The following CDC42BPA variants were observed in gnomAD, a reference collection of about 807,000 sequenced individuals.
CDC42BPA encodes the protein serine/threonine-protein kinase MRCK alpha.
CDC42BPA carries 80 observed loss-of-function variants against 223.5 expected under a neutral mutation model. The observed-to-expected ratio is 0.36, with a 90% CI of 0.30 to 0.43. CDC42BPA has a LOEUF of 0.43. Among genes scored for constraint, CDC42BPA ranks in the 20% least tolerant of loss-of-function variants. CDC42BPA has a pLI of 1.00. For missense variants in CDC42BPA, 1,743 were observed against 2,099.9 expected, an observed-to-expected ratio of 0.83 and a Z score of 3.32; for synonymous variants, 694 against 718.6, an observed-to-expected ratio of 0.97 and a Z score of 0.55.
chr1:227,272,634 C>T (rs903218660), intron 1 of CDC42BPA, among the ~76,000 whole-genome samples: 10 of 152,156 alleles, frequency 6.6e-5, no homozygotes, highest in Non-Finnish European at 1.2e-4. Flanking sequence ...GTTGCCCAGG[C>T]TGGTGTCAAA....
chr1:227,084,963 G>A (rs763419803), intron 16 of CDC42BPA, among the ~76,000 whole-genome samples: 59 of 152,132 alleles, frequency 3.9e-4, no homozygotes, highest in Non-Finnish European at 6.3e-4. Flanking sequence ...ATAGTAGGGG[G>A]GAACATCAGC....
rs10599884 is a variant in CDC42BPA, at chr1:227,273,995, C to CAAAAAAAAAAAAAAAAAAA, written c.179-19859_179-19841dup. Among the ~76,000 whole-genome samples the CAAAAAAAAAAAAAAAAAAA allele has an allele frequency of 1.8e-3, 101 of 57,004 alleles. 6 individuals carry two copies. The highest frequency in any genetic ancestry group is 6.3e-3 in the African/African-American group (99 of 15,672). The allele number at this position is 57,004 out of a possible 152,430, so 37.4% of individuals were successfully genotyped here. On this transcript the variant is annotated intron_variant, in intron 1 of 36. Transcript: ENST00000366766. ...ATAGTTTTCAAATATTCGTATACAC[C>CAAAAAAAAAAAAAAAAAAA]AAAAAAAAAAAAAAAAAAAAAAAAA...
At chr1:227,048,221 GT>G (rs1558372912) in intron 22 of CDC42BPA, among the ~76,000 whole-genome samples, 1 of 152,056 alleles carries the variant, frequency 6.6e-6, no homozygotes, top group East Asian at 1.9e-4. Flanking sequence ...TGAAATATTT[GT>G]TCAATTAGTA....
Position 227,317,776 on chromosome 1 carries a change from G to T in CDC42BPA, c.-594C>A, listed in dbSNP as rs1694638940. 2.5e-6 allele frequency: 1 copy of T among 398,530 alleles called. No individual in the cohort carries two copies. The highest frequency in any genetic ancestry group is 4.4e-6 in the Non-Finnish European group (1 of 226,130). The allele number at this position is 398,530 out of a possible 1,614,324, so 24.7% of individuals were successfully genotyped here. On this transcript the variant is annotated 5_prime_UTR_variant, in exon 1 of 37. Transcript: ENST00000366766. ...ATTTCTCCAGCGGGAAAGGGAGGGG[G>T]CGAGGTCCCTGAAGCAGCCCCTCGG... is the stretch of plus-strand genomic sequence containing the variant.
At chr1:227,179,472 T>G (rs573465275) in intron 5 of CDC42BPA, among the ~76,000 whole-genome samples, 1 of 151,254 alleles carries the variant, frequency 6.6e-6, no homozygotes, top group South Asian at 2.1e-4. Context: ...CCGTCTCTAC[T>G]AAAAATACAA....
chr1:226,994,831 C>T lies in CDC42BPA; in HGVS notation c.5125G>A (p.Asp1709Asn). The T allele has an allele frequency of 6.2e-7, 1 of 1,611,244 alleles. No homozygotes were observed. The highest frequency in any genetic ancestry group is 8.5e-7 in the Non-Finnish European group (1 of 1,178,412). Residue 1709 changes from aspartate (D) to asparagine (N), a missense_variant, in exon 36 of 37, where the codon GAC (aspartate) becomes AAC (asparagine). Coordinates refer to ENST00000366766, the MANE Select transcript of CDC42BPA (RefSeq NM_001394014.1). This position sits in a 1 kb window ranked among gnomAD's most constrained non-coding sequence, Gnocchi z 4.0. ...GAACCCTGCCCACTCACCTCTCCGT[C>T]AAAGTCCCTCGCTGGGGCATCACTT... Reference protein sequence around the residue: ...QGSDAPARDFDGEDSDSPRHS... With the variant: ...QGSDAPARDFNGEDSDSPRHS...
intron 15 of CDC42BPA, among the ~76,000 whole-genome samples, chr1:227,096,348 C>G (rs949352144): frequency 6.6e-6 from 1 of 152,174 alleles, no homozygotes; most frequent in Non-Finnish European, 1.5e-5. Flanking sequence ...ATTAAACAAG[C>G]TTAAGTCTCT....
intron 12 of CDC42BPA, 73 bp downstream of exon 12, chr1:227,119,731 A>G: frequency 1.9e-6 from 2 of 1,026,508 alleles, no homozygotes; most frequent in Non-Finnish European, 2.7e-6. Flanking sequence ...TTCATTATGA[A>G]TGCTTTCAGT....
At chr1:227,235,448 G>T (rs1486781005) in intron 2 of CDC42BPA, 1 of 152,158 alleles carries the variant, frequency 6.6e-6, no homozygotes, top group South Asian at 2.1e-4. Context: ...GTTGAATATA[G>T]CAAGTGGGGA....
chr1:227,006,855 T>C (rs1450953149), intron 34 of CDC42BPA, among the ~76,000 whole-genome samples: 6 of 152,006 alleles, frequency 3.9e-5, no homozygotes, highest in Non-Finnish European at 4.4e-5. Context: ...GAGAATCACT[T>C]GAATCTGGGA....
chr1:227,163,547 C>G (rs1030709878), intron 5 of CDC42BPA, among the ~76,000 whole-genome samples: 2 of 151,818 alleles, frequency 1.3e-5, no homozygotes, highest in East Asian at 3.8e-4. Flanking sequence ...GGTCATTTTA[C>G]ATTCCTCTTC....
chr1:227,268,904 C>CA (rs1429117280), intron 1 of CDC42BPA, among the ~76,000 whole-genome samples: 2 of 152,080 alleles, frequency 1.3e-5, no homozygotes, highest in African/African-American at 2.4e-5. Flanking sequence ...AGGCTGGTCT[C>CA]AAACTCCTGG....
intron 34 of CDC42BPA, among the ~76,000 whole-genome samples, chr1:227,008,843 T>C (rs1295768472): frequency 6.6e-6 from 1 of 151,856 alleles, no homozygotes; most frequent in Non-Finnish European, 1.5e-5. Context: ...CATGTAATTC[T>C]TGGTGCGTTA....
chr1:227,088,788 C>G (rs1011208685), intron 16 of CDC42BPA, among the ~76,000 whole-genome samples: 1 of 152,058 alleles, frequency 6.6e-6, no homozygotes, highest in Non-Finnish European at 1.5e-5. Flanking sequence ...TGCAGTGGTG[C>G]GATCTCGGCT....
Position 227,033,340 on chromosome 1 carries a change from T to A in CDC42BPA, c.3552A>T (p.Ile1184=). 1 of 1,603,060 alleles carries A rather than the reference T, an allele frequency of 6.2e-7. No homozygotes were observed. Among genetic ancestry groups the A allele is most frequent in the Non-Finnish European group, 8.5e-7 (1 of 1,170,020 alleles). Reference sequence around the variant, plus strand: ...TTACAGCATACACACTTACCCTAAATATACAGGGTATATCTTTCCGACTTG... The same window carrying A: ...TTACAGCATACACACTTACCCTAAAAATACAGGGTATATCTTTCCGACTTG... The part of the protein sequence containing the change: ...IHASRKDIPC[I]FRVTASQLSA... The change falls in exon 27 of 37, where the codon ATA becomes ATT. Residue 1184 remains isoleucine (I), a synonymous_variant. Coordinates refer to ENST00000366766, the MANE Select transcript of CDC42BPA (RefSeq NM_001394014.1).
chr1:227,275,654 C>T (rs1327070109), intron 1 of CDC42BPA, among the ~76,000 whole-genome samples: 2 of 150,314 alleles, frequency 1.3e-5, no homozygotes, highest in African/African-American at 4.9e-5. Flanking sequence ...TGATGCCAAG[C>T]GGAGGCTGGA....
chr1:227,148,771 G>GAAAAAAAAAAAAA (rs1491285386), intron 6 of CDC42BPA, among the ~76,000 whole-genome samples: 9 of 7,696 alleles, frequency 1.2e-3, no homozygotes, highest in African/African-American at 2.6e-3. Context: ...GGTCTCAAAA[G>GAAAAAAAAAAAAA]CAAAAAAAAA....
chr1:227,001,405 C>T (rs6690803), intron 35 of CDC42BPA, among the ~76,000 whole-genome samples: 58,733 of 151,996 alleles, frequency 0.39, 11,862 homozygotes, highest in Non-Finnish European at 0.46. Context: ...TTGACAAGAA[C>T]GCCAGGCCAG....
intron 21 of CDC42BPA, among the ~76,000 whole-genome samples, chr1:227,054,059 A>G (rs1572510436): frequency 6.6e-6 from 1 of 152,336 alleles, no homozygotes; most frequent in Middle Eastern, 3.4e-3. Flanking sequence ...GTTTTAAGGT[A>G]TCTAAGTAGG....
Sources: gnomAD v4.1 joint callset for allele counts (sites outside exome capture counted in the v4.1 genomes callset) on GRCh38, gnomAD v4.1.1 for gene constraint, Gnocchi (gnomAD v3.1) non-coding constraint, MANE v1.5 for transcripts, NCBI Gene and HGNC (gene_info 2026-07-23, HGNC 2026-07-21) for gene names.